Variants in COL19A1 observed in about 807,000 individuals in gnomAD.
The protein encoded by COL19A1 is collagen type XIX alpha 1 chain, also known as collagen alpha-1(XIX) chain.
Under a neutral mutation model 190.2 loss-of-function variants are expected in COL19A1, and 159 were observed. The ratio of observed to expected loss-of-function variants is 0.84; its 90% CI spans 0.73 to 0.95. The LOEUF (loss-of-function observed/expected upper bound fraction) is 0.95, where lower values mean the gene tolerates loss of function less well. Ranked by LOEUF, COL19A1 falls within the 40% of genes least tolerant of loss-of-function variation. COL19A1 has a pLI of 0.00. For synonymous variants in COL19A1, 509 were observed against 458.9 expected (o/e 1.11, Z -1.39); for missense variants, 1,418 against 1,431.9 (o/e 0.99, Z 0.16).
chr6:70,131,113 C>A, intron 18 of COL19A1: 1 of 409,684 alleles, frequency 2.4e-6, no homozygotes, highest in South Asian at 1.9e-5. Context: ...AGATGTTTCA[C>A]TCCTGTTTGA....
rs534512084 is a variant in COL19A1 at position 70,140,971 on chromosome 6, A to C, written c.1464A>C (p.Lys488Asn). The C allele has an allele frequency of 3.7e-6, 6 of 1,609,880 alleles. No individual in the cohort carries two copies. Among genetic ancestry groups the C allele is most frequent in the East Asian group, 2.2e-5 (1 of 44,792 alleles). Residue 488 changes from lysine to asparagine, a missense_variant, in exon 20 of 51, where the codon AAA becomes AAC. Transcript: ENST00000620364. ...QKGEPGEPFT[K>N]GEKGDRGEPG... ...CTCCTTAGGGAGAGCCTTTTACAAAAGGAGAAAAAGGAGATAGAGTAAGTA... is the reference window on the plus strand; with the variant it reads ...CTCCTTAGGGAGAGCCTTTTACAAACGGAGAAAAAGGAGATAGAGTAAGTA...
intron 27 of COL19A1, among the ~76,000 whole-genome samples, chr6:70,149,235 AT>A (rs1347899970): frequency 6.6e-6 from 1 of 151,976 alleles, no homozygotes; most frequent in Non-Finnish European, 1.5e-5. Flanking sequence ...TTTATCCGAA[AT>A]TCTAATTTTC....
chr6:69,909,292 C>T (rs561453967), intron 4 of COL19A1, among the ~76,000 whole-genome samples: 62 of 152,112 alleles, frequency 4.1e-4, no homozygotes, highest in African/African-American at 1.5e-3. Flanking sequence ...AAAGAGTTTG[C>T]AGAAAGAGGT....
chr6:70,165,321 C>G (rs1044797797), intron 36 of COL19A1, among the ~76,000 whole-genome samples: 28 of 152,186 alleles, frequency 1.8e-4, no homozygotes, highest in Non-Finnish European at 3.8e-4. Flanking sequence ...TCCTGTAAGT[C>G]TAAGACTGTT....
chr6:70,115,219 T>C (rs948252024), intron 16 of COL19A1, among the ~76,000 whole-genome samples: 1 of 152,214 alleles, frequency 6.6e-6, no homozygotes, highest in Non-Finnish European at 1.5e-5. Flanking sequence ...GCCTTGCTCT[T>C]GGGAAATATG....
At chr6:69,867,157 C>T (rs1269700121) in intron 1 of COL19A1, among the ~76,000 whole-genome samples, 1 of 150,026 alleles carries the variant, frequency 6.7e-6, no homozygotes, top group Non-Finnish European at 1.5e-5. Context: ...GCGGCGTAAG[C>T]TAAGAGACGC....
Position 69,962,870 on chromosome 6 carries a change from G to C in COL19A1, c.1026G>C (p.Lys342Asn). The C allele has an allele frequency of 6.2e-7, 1 of 1,603,802 alleles. No individual in the cohort carries two copies. The highest frequency in any genetic ancestry group is 8.5e-7 in the Non-Finnish European group (1 of 1,173,586). Residue 342 changes from lysine to asparagine, a missense_variant and splice_region_variant, in exon 11 of 51, where the codon AAG (lysine) becomes AAC (asparagine). Physicochemically the swap from Lys to Asn is moderately conservative, Grantham distance 94. Coordinates refer to ENST00000620364, the MANE Select transcript of COL19A1 (RefSeq NM_001858.6). ...FEGSKGETGE[K>N]GEQGEKGDPA... ...GCAGCAAAGGAGAAACTGGTGAAAAGGTAAATATCTCTTTTTACATTCACA... is the reference window on the plus strand; with the variant it reads ...GCAGCAAAGGAGAAACTGGTGAAAACGTAAATATCTCTTTTTACATTCACA...
At chr6:70,088,692 T>C (rs1273717024) in intron 15 of COL19A1, among the ~76,000 whole-genome samples, 1 of 152,142 alleles carries the variant, frequency 6.6e-6, no homozygotes, top group African/African-American at 2.4e-5. Context: ...AAAACTTATA[T>C]TGAGGAAAGA....
At chr6:70,126,562 T>G (rs937862025) in intron 17 of COL19A1, among the ~76,000 whole-genome samples, 6 of 152,118 alleles carry the variant, frequency 3.9e-5, no homozygotes, top group South Asian at 4.1e-4. Context: ...TTGCGGCTGG[T>G]GAAATGGTTT....
intron 2 of COL19A1, chr6:69,891,019 C>T (rs1769309463): frequency 2.8e-6 from 1 of 353,472 alleles, no homozygotes; most frequent in South Asian, 2.5e-5. Flanking sequence ...GCAGAAGGGG[C>T]CATTGTCAGA....
intron 39 of COL19A1, 132 bp from the exon 40 acceptor site, chr6:70,168,517 CTTCAAA>C: frequency 1.4e-6 from 1 of 714,834 alleles, no homozygotes; most frequent in South Asian, 2.2e-5. Flanking sequence ...TCATCTTATT[CTTCAAA>C]TTCAAACTGT....
chr6:70,169,589 T>G (rs979115396), intron 40 of COL19A1, among the ~76,000 whole-genome samples: 3 of 152,180 alleles, frequency 2.0e-5, no homozygotes, highest in Non-Finnish European at 2.9e-5. Context: ...TAAAGAGCTG[T>G]TTGATTTTGT....
At chr6:69,913,881 A>G (rs1031111409) in intron 4 of COL19A1, among the ~76,000 whole-genome samples, 7 of 152,052 alleles carry the variant, frequency 4.6e-5, no homozygotes, top group Non-Finnish European at 8.8e-5. Context: ...CTAAAGCAAC[A>G]GTTGAGCTCT....
intron 15 of COL19A1, among the ~76,000 whole-genome samples, chr6:70,090,110 G>A (rs1474560777): frequency 6.6e-6 from 1 of 151,938 alleles, no homozygotes; most frequent in African/African-American, 2.4e-5. Context: ...CCACGAGGTT[G>A]AGGCTGCTGT....
At chr6:70,027,665 A>T (rs1778801134) in intron 12 of COL19A1, among the ~76,000 whole-genome samples, 1 of 152,170 alleles carries the variant, frequency 6.6e-6, no homozygotes, top group Non-Finnish European at 1.5e-5. Flanking sequence ...ATTCTAGTTT[A>T]AATAATGCAT....
chr6:70,168,203 A>G lies in COL19A1; in HGVS notation c.2529A>G (p.Pro843=). The G allele has an allele frequency of 6.2e-7, 1 of 1,613,216 alleles. No individual in the cohort carries two copies. The highest frequency in any genetic ancestry group is 8.5e-7 in the Non-Finnish European group (1 of 1,179,578). Residue 843 remains proline, a synonymous_variant, in exon 39 of 51, where the codon CCA becomes CCG. Coordinates refer to ENST00000620364, the MANE Select transcript of COL19A1 (RefSeq NM_001858.6). ...GGVNVPSYPG[P]PGPPGPKGDP... is the part of the protein sequence containing the mutation. ...TGAATGTTCCCAGTTACCCAGGGCC[A>G]CCCGGTCCTCCTGTAAGTACAGTTG...
At chr6:70,121,088 G>A (rs994745763) in intron 16 of COL19A1, among the ~76,000 whole-genome samples, 4 of 152,206 alleles carry the variant, frequency 2.6e-5, no homozygotes, top group Middle Eastern at 6.8e-3. Context: ...TTGAGTTCTG[G>A]ATGAAATGTG....
At position 69,886,288 on chromosome 6, in the gene COL19A1, T is replaced by C. The variant is rs150156639; in HGVS notation, c.91+6630T>C. Reference sequence around the variant, plus strand: ...ATTAAACCACCATGAGACATTACCTTGTACCTATAAGGATAGCTATTATCA... The same window carrying C: ...ATTAAACCACCATGAGACATTACCTCGTACCTATAAGGATAGCTATTATCA... On this transcript the variant is annotated intron_variant, in intron 2 of 50. Transcript: ENST00000620364. Among the ~76,000 whole-genome samples the C allele has an allele frequency of 4.6e-3, 707 of 152,274 alleles. 4 individuals carry two copies. Among genetic ancestry groups the C allele is most frequent in the Non-Finnish European group, 7.6e-3 (516 of 68,018 alleles).
chr6:69,897,792 T>G (rs796767102), intron 2 of COL19A1, among the ~76,000 whole-genome samples: 8 of 152,336 alleles, frequency 5.3e-5, no homozygotes, highest in African/African-American at 1.7e-4. Flanking sequence ...ATAGCAATTT[T>G]CCATATTAGC....
Sources: gnomAD v4.1 joint callset for allele counts (sites outside exome capture counted in the v4.1 genomes callset) on GRCh38, gnomAD v4.1.1 for gene constraint, MANE v1.5 for transcripts, NCBI Gene and HGNC (gene_info 2026-07-23, HGNC 2026-07-21) for gene names.